The following SVEP1 variants were observed in gnomAD, a reference collection of about 807,000 sequenced individuals.
SVEP1 encodes sushi, von Willebrand factor type A, EGF and pentraxin domain containing 1.
In SVEP1, 164 loss-of-function variants were observed where a neutral mutation model predicts 367.3. The observed-to-expected ratio is 0.45, with a 90% CI of 0.39 to 0.51. SVEP1 has a LOEUF of 0.51. Ranked by LOEUF, SVEP1 falls within the 20% of genes least tolerant of loss-of-function variation. The probability of loss-of-function intolerance (pLI) is 0.00; values close to 1 mark genes in which losing one functional copy is unlikely to be tolerated. For synonymous variants in SVEP1, 1,666 were observed against 1,611.6 expected, an observed-to-expected ratio of 1.03 and a Z score of -0.81; for missense variants, 4,117 against 4,425.3, an observed-to-expected ratio of 0.93 and a Z score of 1.98.
At position 110,443,599 on chromosome 9, in the gene SVEP1, C is replaced by T. The variant is rs201343948; in HGVS notation, c.4585G>A (p.Asp1529Asn). The change falls in exon 27 of 48, where the codon GAT (aspartate) becomes AAT (asparagine). Residue 1529 changes from aspartate to asparagine, a missense_variant. By Grantham distance (23) the Asp-to-Asn change is conservative. Coordinates refer to ENST00000374469, the MANE Select transcript of SVEP1 (RefSeq NM_153366.4). ...SANGIWKVYI[D>N]GKLSDGGAGL... ...GCACCACCGTCAGATAATTTCCCAT[C>T]GATATAGACTTTCCAGATGCCATTG... 266 of 1,612,426 alleles carry T rather than the reference C, an allele frequency of 1.6e-4. No homozygotes were observed. Among genetic ancestry groups the T allele is most frequent in the South Asian group, 7.1e-4 (64 of 90,656 alleles).
chr9:110,502,915 C>T (rs942899608), intron 6 of SVEP1, 123 bp downstream of exon 6: 2 of 981,034 alleles, frequency 2.0e-6, no homozygotes, highest in Non-Finnish European at 2.9e-6. Context: ...TGCACCTGTA[C>T]ATGTGGATAT....
intron 3 of SVEP1, among the ~76,000 whole-genome samples, chr9:110,541,271 TATTG>T (rs977768292): frequency 2.4e-4 from 3 of 12,732 alleles, no homozygotes; most frequent in African/African-American, 1.1e-3. Flanking sequence ...GTTTTATTAT[TATTG>T]TTTTTAAACT....
chr9:110,441,588 C>G (rs1828510580), intron 27 of SVEP1, among the ~76,000 whole-genome samples: 1 of 152,200 alleles, frequency 6.6e-6, no homozygotes, highest in African/African-American at 2.4e-5. Context: ...ATCCAGGGAT[C>G]TGTCTGTATG....
intron 14 of SVEP1, 62 bp downstream of exon 14, chr9:110,476,142 T>A (rs1192643896): frequency 6.6e-6 from 7 of 1,056,548 alleles, no homozygotes; most frequent in Non-Finnish European, 1.0e-5. Context: ...CTCACTTTTC[T>A]GGAATTATTC....
chr9:110,423,058 C>A (rs1344946340), intron 36 of SVEP1, among the ~76,000 whole-genome samples: 1 of 128,694 alleles, frequency 7.8e-6, no homozygotes, highest in Non-Finnish European at 1.6e-5. Context: ...CAGCATGGCA[C>A]ATGTATACAT....
At chr9:110,574,743 CTTTTT>C (rs1163833465) in intron 1 of SVEP1, among the ~76,000 whole-genome samples, 1 of 84,788 alleles carries the variant, frequency 1.2e-5, no homozygotes, top group Non-Finnish European at 2.4e-5. Flanking sequence ...AGTCGACCTT[CTTTTT>C]TTTTTTTTTT....
At chr9:110,376,032 C>T (rs541598759) in intron 45 of SVEP1, among the ~76,000 whole-genome samples, 1 of 152,278 alleles carries the variant, frequency 6.6e-6, no homozygotes, top group South Asian at 2.1e-4. Context: ...CATTCCTCCT[C>T]CTAGAAATCA....
chr9:110,397,698 T>C (rs1373703724), intron 40 of SVEP1, among the ~76,000 whole-genome samples: 143 of 151,692 alleles, frequency 9.4e-4, no homozygotes, highest in African/African-American at 3.3e-3. Context: ...TATACACCAA[T>C]AAGAGAAACA....
chr9:110,447,187 A>G (rs2118600743), intron 24 of SVEP1, 130 bp from the exon 25 acceptor site: 1 of 834,064 alleles, frequency 1.2e-6, no homozygotes, highest in Non-Finnish European at 1.7e-6. Flanking sequence ...ACAGTGCTTT[A>G]ATTGCAGGTT....
At position 110,579,508 on chromosome 9, in the gene SVEP1, C is replaced by T. The variant is rs1017072084; in HGVS notation, c.36G>A (p.Leu12=). The change falls in exon 1 of 48, where the codon CTG becomes CTA. Residue 12 remains leucine (L), a synonymous_variant. Coordinates refer to ENST00000374469, the MANE Select transcript of SVEP1 (RefSeq NM_153366.4). The surrounding 1 kb of genome is among the most constrained non-coding windows in gnomAD (Gnocchi z 5.3). ...AGGTCGCCCAGCCCGAAACGAGCGC[C>T]AGACCCCAGCAACAAAAGGCCAGGC... ...WPRLAFCCWG[L]ALVSGWATFQ... 1 of 1,605,286 alleles carries T rather than the reference C, an allele frequency of 6.2e-7. No homozygotes were observed. Among genetic ancestry groups the T allele is most frequent in the Non-Finnish European group, 8.5e-7 (1 of 1,176,980 alleles).
At chr9:110,469,154 C>A (rs887100144) in intron 16 of SVEP1, 53 bp from the exon 17 acceptor site, 2 of 1,516,134 alleles carry the variant, frequency 1.3e-6, no homozygotes, top group Non-Finnish European at 1.8e-6. Context: ...GTGGAACACA[C>A]TGGGCTTTTT....
At chr9:110,543,070 T>C (rs1830173291) in intron 3 of SVEP1, among the ~76,000 whole-genome samples, 1 of 151,732 alleles carries the variant, frequency 6.6e-6, no homozygotes, top group Admixed American at 6.6e-5. Context: ...TCTTTCTGCC[T>C]TTCTGAAAGG....
At chr9:110,535,315 T>C (rs1830065531) in intron 3 of SVEP1, among the ~76,000 whole-genome samples, 1 of 152,148 alleles carries the variant, frequency 6.6e-6, no homozygotes, top group African/African-American at 2.4e-5. Context: ...TTGTCAAAGA[T>C]CAGATGGTTG....
chr9:110,469,088 C>G lies in SVEP1; in HGVS notation c.3012G>C (p.Leu1004Phe). ...LRGRMCVNCP[L>F]GTYYNLEHFT... Reference sequence around the variant, plus strand: ...AATGTTCCAGATTATAATAGGTTCCCAAAGGGCAATTGACTACAGAAAAAG... The same window carrying G: ...AATGTTCCAGATTATAATAGGTTCCGAAAGGGCAATTGACTACAGAAAAAG... The change falls in exon 17 of 48, where the codon TTG (leucine) becomes TTC (phenylalanine). Residue 1004 changes from leucine (L) to phenylalanine (F), a missense_variant. Leu to Phe is a conservative substitution (Grantham distance 22, BLOSUM62 0). Coordinates refer to ENST00000374469, the MANE Select transcript of SVEP1 (RefSeq NM_153366.4). 1 of 1,611,948 alleles carries G rather than the reference C, an allele frequency of 6.2e-7. No individual in the cohort carries two copies. The highest frequency in any genetic ancestry group is 8.5e-7 in the Non-Finnish European group (1 of 1,178,784).
At chr9:110,496,752 C>T in intron 8 of SVEP1, 63 bp downstream of exon 8, 1 of 1,222,592 alleles carries the variant, frequency 8.2e-7, no homozygotes, top group Non-Finnish European at 1.2e-6. Context: ...GTCTTCAACA[C>T]ACATATCTGC....
intron 9 of SVEP1, among the ~76,000 whole-genome samples, chr9:110,486,877 T>C (rs2118718589): frequency 6.6e-6 from 1 of 152,018 alleles, no homozygotes; most frequent in East Asian, 1.9e-4. Context: ...GCTCCTGACC[T>C]CAGGTGATTC....
Position 110,452,522 on chromosome 9 carries a change from G to A in SVEP1, c.3788-1120C>T, listed in dbSNP as rs563368713. On this transcript the variant is annotated intron_variant, in intron 22 of 47. Transcript: ENST00000374469. ...GAGGAAAGAGCATGAGAAAGAAAAT[G>A]GAAACCAGGCAAGCAATCTGGATGT... Among the ~76,000 whole-genome samples the A allele has an allele frequency of 2.0e-5, 3 of 152,290 alleles. No individual in the cohort carries two copies. In the East Asian group the frequency reaches 5.8e-4, roughly 29 times the overall value.
At chr9:110,577,125 C>T (rs1245914684) in intron 1 of SVEP1, among the ~76,000 whole-genome samples, 1 of 151,940 alleles carries the variant, frequency 6.6e-6, no homozygotes, top group Non-Finnish European at 1.5e-5. Flanking sequence ...TTACTGACTT[C>T]ATTGGTAATA....
chr9:110,503,129 A>T lies in SVEP1; in HGVS notation c.1392T>A (p.Val464=), dbSNP rs1829564041. Reference sequence around the variant, plus strand: ...CTAGTCTGTACCCTTCATCACAGGCAACCAAACATGTTGTCTTATATAACA... The same window carrying T: ...CTAGTCTGTACCCTTCATCACAGGCTACCAAACATGTTGTCTTATATAACA... ...REMLYKTTCL[V]ACDEGYRLEG... is the part of the protein sequence containing the mutation. Residue 464 remains valine (V), a synonymous_variant, in exon 6 of 48, where the codon GTT becomes GTA. Transcript: ENST00000374469. 1.9e-6 allele frequency: 3 copies of T among 1,614,054 alleles called. No homozygotes were observed. The East Asian group carries it at 6.7e-5, about 36-fold the overall frequency.
Sources: allele counts gnomAD v4.1 joint callset (sites outside exome capture counted in the v4.1 genomes callset), GRCh38; gene constraint gnomAD v4.1.1; non-coding constraint Gnocchi (gnomAD v3.1); transcripts MANE v1.5; gene names NCBI Gene and HGNC (gene_info 2026-07-23, HGNC 2026-07-21).